EYS: variants seen among roughly 807,000 people sequenced by gnomAD.
The protein encoded by EYS is protein eyes shut homolog.
Under a neutral mutation model 282.1 loss-of-function variants are expected in EYS, and 250 were observed. That is an observed-to-expected ratio of 0.89 (90% CI 0.80 to 0.98). The LOEUF (loss-of-function observed/expected upper bound fraction) is 0.98. EYS is among the 50% of genes least tolerant of loss of function. The pLI, the probability that EYS is intolerant of heterozygous loss-of-function variation, is 0.00. For synonymous variants in EYS, 1,355 were observed against 1,282.9 expected (o/e 1.06, Z -1.20); for missense variants, 4,016 against 3,709.0 (o/e 1.08, Z -2.15).
intron 8 of EYS, among the ~76,000 whole-genome samples, chr6:65,382,606 T>G (rs2150350538): frequency 6.6e-6 from 1 of 151,720 alleles, no homozygotes; most frequent in Middle Eastern, 3.4e-3. Context: ...TAAGGAGTAT[T>G]AACTCATACT....
intron 12 of EYS, among the ~76,000 whole-genome samples, chr6:65,222,359 G>A (rs1766489562): frequency 6.6e-6 from 1 of 152,136 alleles, no homozygotes; most frequent in African/African-American, 2.4e-5. Context: ...CTGTCCTTGT[G>A]ATAGTGAATA....
intron 33 of EYS, among the ~76,000 whole-genome samples, chr6:64,003,026 T>C (rs1768171684): frequency 6.6e-6 from 1 of 152,208 alleles, no homozygotes; most frequent in Non-Finnish European, 1.5e-5. Flanking sequence ...GGTTCACCTA[T>C]ATACATAATA....
chr6:65,680,700 T>C (rs959258179), intron 1 of EYS, among the ~76,000 whole-genome samples: 1 of 152,016 alleles, frequency 6.6e-6, no homozygotes, highest in African/African-American at 2.4e-5. Flanking sequence ...AGCTTTCTAT[T>C]ATAAATGACC....
chr6:64,856,820 T>C (rs1478907038), intron 19 of EYS, among the ~76,000 whole-genome samples: 1 of 152,140 alleles, frequency 6.6e-6, no homozygotes, highest in East Asian at 1.9e-4. Context: ...CTAGTTGCTA[T>C]ATTTAAAAAC....
chr6:64,712,025 G>A (rs1771231342), intron 22 of EYS, among the ~76,000 whole-genome samples: 1 of 152,182 alleles, frequency 6.6e-6, no homozygotes, highest in African/African-American at 2.4e-5. Flanking sequence ...CGAACCCAGA[G>A]GACAAGTTCT....
intron 33 of EYS, among the ~76,000 whole-genome samples, chr6:64,040,222 G>T (rs1054174752): frequency 6.6e-6 from 1 of 152,102 alleles, no homozygotes; most frequent in African/African-American, 2.4e-5. Flanking sequence ...AAACATTTTG[G>T]CACTAAACCT....
intron 8 of EYS, among the ~76,000 whole-genome samples, chr6:65,374,400 C>T (rs1269874028): frequency 6.6e-6 from 1 of 152,096 alleles, no homozygotes; most frequent in Non-Finnish European, 1.5e-5. Flanking sequence ...TTTTTGCAAT[C>T]CGCAGACCAG....
At chr6:64,235,928 A>G (rs911194498) in intron 30 of EYS, among the ~76,000 whole-genome samples, 1 of 152,206 alleles carries the variant, frequency 6.6e-6, no homozygotes, top group African/African-American at 2.4e-5. Flanking sequence ...TTCTGAAACT[A>G]TTCCCATCAA....
intron 15 of EYS, among the ~76,000 whole-genome samples, chr6:64,915,372 A>T (rs1262615458): frequency 6.6e-6 from 1 of 152,164 alleles, no homozygotes; most frequent in African/African-American, 2.4e-5. Flanking sequence ...TATCATGTCA[A>T]CACAATAAAT....
intron 12 of EYS, among the ~76,000 whole-genome samples, chr6:65,085,666 A>G (rs933653002): frequency 1.3e-5 from 2 of 152,168 alleles, no homozygotes; most frequent in African/African-American, 4.8e-5. Context: ...GACTTTTTTA[A>G]AAAAAATCTT....
chr6:64,207,529 T>G (rs1765646723), intron 31 of EYS, among the ~76,000 whole-genome samples: 1 of 152,120 alleles, frequency 6.6e-6, no homozygotes, highest in Non-Finnish European at 1.5e-5. Context: ...ATGCATTACC[T>G]CAGTCTTAAT....
chr6:63,863,310 T>C (rs571708586), intron 36 of EYS, among the ~76,000 whole-genome samples: 43 of 152,374 alleles, frequency 2.8e-4, no homozygotes, highest in African/African-American at 1.0e-3. Context: ...GCAATTTTTT[T>C]CTTAAAATCT....
intron 19 of EYS, among the ~76,000 whole-genome samples, chr6:64,833,080 A>T (rs1449368896): frequency 1.3e-5 from 2 of 151,882 alleles, no homozygotes; most frequent in Non-Finnish European, 2.9e-5. Flanking sequence ...GGCTTATTAC[A>T]TATAAACATT....
chr6:64,747,051 G>A (rs1397135844), intron 22 of EYS, among the ~76,000 whole-genome samples: 1 of 152,136 alleles, frequency 6.6e-6, no homozygotes, highest in East Asian at 1.9e-4. Flanking sequence ...CACTCTGCAG[G>A]CCACCCATCT....
At position 63,721,405 on chromosome 6, in the gene EYS, C is replaced by G; in HGVS notation, c.8626G>C (p.Gly2876Arg). Residue 2876 changes from glycine to arginine, a missense_variant, in exon 43 of 43, where the codon GGG becomes CGG. Coordinates refer to ENST00000503581, the MANE Select transcript of EYS (RefSeq NM_001142800.2). ...KGGSNVGDCD[G>R]TACGYNTCRN... is the part of the protein sequence containing the mutation. ...CATGTGTTGTACCCACAGGCTGTCC[C>G]ATCACAGTCACCTACATTTGAGCCA... 1 of 1,551,718 alleles carries G rather than the reference C, an allele frequency of 6.4e-7. No homozygotes were observed.
chr6:64,472,344 C>T (rs904138346), intron 26 of EYS, among the ~76,000 whole-genome samples: 4 of 151,978 alleles, frequency 2.6e-5, no homozygotes, highest in African/African-American at 9.7e-5. Context: ...TTCACGTGGC[C>T]CATTACAGAT....
intron 22 of EYS, among the ~76,000 whole-genome samples, chr6:64,658,201 C>T (rs1328098484): frequency 6.6e-6 from 1 of 152,178 alleles, no homozygotes; most frequent in Non-Finnish European, 1.5e-5. Context: ...GTTTTCAGCT[C>T]CATCAGGTCC....
intron 30 of EYS, among the ~76,000 whole-genome samples, chr6:64,249,736 T>C (rs549147663): frequency 1.3e-5 from 2 of 152,290 alleles, no homozygotes; most frequent in Non-Finnish European, 2.9e-5. Flanking sequence ...TGATAAGAGC[T>C]GTGGTCCTGG....
chr6:65,556,348 A>G (rs1768797487), intron 2 of EYS, among the ~76,000 whole-genome samples: 1 of 150,360 alleles, frequency 6.7e-6, no homozygotes, highest in Admixed American at 6.6e-5. Context: ...AATTTCCCTT[A>G]CAGCTTTACT....
Sources: allele counts gnomAD v4.1 joint callset (sites outside exome capture counted in the v4.1 genomes callset), GRCh38; gene constraint gnomAD v4.1.1; transcripts MANE v1.5; gene names NCBI Gene and HGNC (gene_info 2026-07-23, HGNC 2026-07-21).